TRMT11: variants seen among roughly 807,000 people sequenced by gnomAD.
The protein encoded by TRMT11 is tRNA methyltransferase 11, also known as tRNA (guanine(10)-N(2))-methyltransferase TRMT11.
A neutral mutation model predicts 62.8 loss-of-function variants in TRMT11; 53 were observed. The observed-to-expected ratio is 0.84, with a 90% confidence interval of 0.68 to 1.06. The LOEUF (loss-of-function observed/expected upper bound fraction) is 1.06. Ranked by LOEUF, TRMT11 falls within the 50% of genes least tolerant of loss-of-function variation. TRMT11 has a pLI of 0.00. For missense variants in TRMT11, 556 were observed against 553.4 expected, an observed-to-expected ratio of 1.00 and a Z score of -0.05; for synonymous variants, 188 against 190.3, an observed-to-expected ratio of 0.99 and a Z score of 0.10.
chr6:126,093,581 G>GTGTGTATA (rs1777298410), intron 17 of TRMT11, among the ~76,000 whole-genome samples: 5 of 37,070 alleles, frequency 1.3e-4, no homozygotes, highest in Non-Finnish European at 2.2e-4. Flanking sequence ...AACAGGATAT[G>GTGTGTATA]TATGTATATA....
At chr6:126,030,837 G>A (rs1274844255) in intron 12 of TRMT11, among the ~76,000 whole-genome samples, 1 of 152,174 alleles carries the variant, frequency 6.6e-6, no homozygotes, top group African/African-American at 2.4e-5. Flanking sequence ...CCTCTAGAAA[G>A]TGGAAATATC....
At chr6:126,193,768 G>A (rs1011491408) in intron 1 of TRMT11, among the ~76,000 whole-genome samples, 4 of 151,914 alleles carry the variant, frequency 2.6e-5, no homozygotes, top group Middle Eastern at 3.2e-3. Context: ...GCTGGCGTGA[G>A]TCACCATGCC....
At chr6:125,997,989 C>T in intron 3 of TRMT11, 64 bp from the exon 4 acceptor site, 1 of 1,112,798 alleles carries the variant, frequency 9.0e-7, no homozygotes, top group Admixed American at 1.7e-5. Context: ...AGTAAAATGA[C>T]TGTATGTATT....
chr6:126,066,536 CCTA>C (rs1456381191), intron 17 of TRMT11, among the ~76,000 whole-genome samples: 1 of 152,130 alleles, frequency 6.6e-6, no homozygotes, highest in Non-Finnish European at 1.5e-5. Context: ...GGACGCTAAT[CCTA>C]TCATGGGGGC....
chr6:126,079,940 A>G (rs1208474993), intron 17 of TRMT11, among the ~76,000 whole-genome samples: 1 of 152,214 alleles, frequency 6.6e-6, no homozygotes, highest in East Asian at 1.9e-4. Context: ...TTCACTATAA[A>G]GAGCAGCAGA....
intron 21 of TRMT11, among the ~76,000 whole-genome samples, chr6:126,137,478 C>T (rs1185760850): frequency 6.6e-6 from 1 of 151,510 alleles, no homozygotes; most frequent in Non-Finnish European, 1.5e-5. Flanking sequence ...GAAAAAATAA[C>T]GAATGCTGGC....
At chr6:126,239,912 T>C in the TRMT11 span, among the ~76,000 whole-genome samples, 1 of 152,196 alleles carries the variant, frequency 6.6e-6, no homozygotes, top group Non-Finnish European at 1.5e-5. Context: ...CATTTCTTTT[T>C]ATGCTTTTTT....
chr6:126,231,041 C>T, the TRMT11 span, among the ~76,000 whole-genome samples: 4 of 152,142 alleles, frequency 2.6e-5, no homozygotes, highest in Non-Finnish European at 5.9e-5. Context: ...CTTTCTTTCA[C>T]ATATAATGTG....
intron 17 of TRMT11, among the ~76,000 whole-genome samples, chr6:126,096,128 G>T (rs1777336975): frequency 6.6e-6 from 1 of 152,210 alleles, no homozygotes; most frequent in Admixed American, 6.5e-5. Context: ...ACCAGTAGGA[G>T]AATTCTGTTT....
At chr6:125,993,944 C>A in intron 2 of TRMT11, 122 bp downstream of exon 2, 1 of 540,306 alleles carries the variant, frequency 1.9e-6, no homozygotes, top group South Asian at 4.1e-5. Context: ...TTTCAAGAGG[C>A]AGTGGAATAA....
intron 17 of TRMT11, among the ~76,000 whole-genome samples, chr6:126,078,406 T>A (rs972797250): frequency 7.2e-5 from 11 of 152,138 alleles, no homozygotes; most frequent in South Asian, 2.1e-4. Flanking sequence ...AGGTTTTTTT[T>A]TTTTTGAGTT....
chr6:126,254,816 T>A, the TRMT11 span, among the ~76,000 whole-genome samples: 6 of 152,200 alleles, frequency 3.9e-5, no homozygotes, highest in Non-Finnish European at 8.8e-5. Flanking sequence ...TGACATAGTC[T>A]GTGGATCTAG....
At chr6:126,027,555 A>G (rs1773415781) in intron 12 of TRMT11, among the ~76,000 whole-genome samples, 1 of 152,100 alleles carries the variant, frequency 6.6e-6, no homozygotes, top group South Asian at 2.1e-4. Context: ...GTGGTTTGAG[A>G]AGTTTTGAAG....
intron 21 of TRMT11, among the ~76,000 whole-genome samples, chr6:126,126,154 A>G (rs1777716233): frequency 6.6e-6 from 1 of 152,088 alleles, no homozygotes; most frequent in Admixed American, 6.6e-5. Context: ...CCTGCTTTAG[A>G]TATTAGGAAA....
intron 8 of TRMT11, 61 bp from the exon 9 acceptor site, chr6:126,011,192 A>G: frequency 1.4e-6 from 2 of 1,404,366 alleles, no homozygotes; most frequent in Non-Finnish European, 1.9e-6. Flanking sequence ...CTTTTCCTAA[A>G]TGACAGAAAA....
chr6:126,050,776 G>A (rs919385698), intron 16 of TRMT11, among the ~76,000 whole-genome samples: 13 of 152,160 alleles, frequency 8.5e-5, no homozygotes, highest in Non-Finnish European at 1.9e-4. Flanking sequence ...AACAGTCCAT[G>A]TGAGAATCTG....
chr6:126,087,634 G>T (rs879474890), intron 17 of TRMT11, among the ~76,000 whole-genome samples: 1 of 152,158 alleles, frequency 6.6e-6, no homozygotes, highest in African/African-American at 2.4e-5. Context: ...GTTTGTTCAC[G>T]TGCCACACAG....
At chr6:126,100,102 T>C (rs911152893) in intron 17 of TRMT11, among the ~76,000 whole-genome samples, 3 of 152,096 alleles carry the variant, frequency 2.0e-5, no homozygotes, top group African/African-American at 7.2e-5. Flanking sequence ...GAAAGTTAGG[T>C]GACTCTTCTC....
chr6:126,030,780 A>G (rs142011639), intron 12 of TRMT11, among the ~76,000 whole-genome samples: 52 of 152,312 alleles, frequency 3.4e-4, no homozygotes, highest in African/African-American at 1.2e-3. Flanking sequence ...TTAAAATAGA[A>G]GCCATTTGGT....
Sources: gnomAD v4.1 joint callset for allele counts (sites outside exome capture counted in the v4.1 genomes callset) on GRCh38, gnomAD v4.1.1 for gene constraint, MANE v1.5 for transcripts, NCBI Gene and HGNC (gene_info 2026-07-23, HGNC 2026-07-21) for gene names.